DLG2: variants seen among roughly 807,000 people sequenced by gnomAD.
The protein encoded by DLG2 is discs large MAGUK scaffold protein 2, also known as disks large homolog 2.
DLG2 carries 45 observed loss-of-function variants against 132.5 expected under a neutral mutation model. The ratio of observed to expected loss-of-function variants is 0.34; its 90% confidence interval spans 0.27 to 0.44. The LOEUF (loss-of-function observed/expected upper bound fraction) is 0.44. DLG2 is among the 20% of genes least tolerant of loss of function. The pLI is 1.00. For missense variants in DLG2, 1,045 were observed against 1,196.9 expected, an observed-to-expected ratio of 0.87 and a Z score of 1.87; for synonymous variants, 424 against 419.6, an observed-to-expected ratio of 1.01 and a Z score of -0.13.
At chr11:84,607,021 GGATCCA>G in intron 6 of DLG2, among the ~76,000 whole-genome samples, 1 of 152,056 alleles carries the variant, frequency 6.6e-6, no homozygotes. Context: ...TCCATATCCA[GGATCCA>G]AGGTCATCAA....
intron 7 of DLG2, among the ~76,000 whole-genome samples, chr11:84,532,967 T>G (rs17807635): frequency 0.054 from 8,274 of 152,272 alleles, 275 homozygotes; most frequent in South Asian, 0.1. Context: ...ACTGTCTAAC[T>G]CTAGGAATCA....
chr11:84,378,920 T>G (rs933886123), intron 7 of DLG2, among the ~76,000 whole-genome samples: 13 of 151,568 alleles, frequency 8.6e-5, no homozygotes, highest in Non-Finnish European at 1.6e-4. Flanking sequence ...CACTCCAGCC[T>G]GGCAACAGAG....
chr11:83,712,482 T>C (rs891123002), intron 18 of DLG2, among the ~76,000 whole-genome samples: 3 of 151,904 alleles, frequency 2.0e-5, no homozygotes, highest in African/African-American at 7.3e-5. Flanking sequence ...TACAAAAAAT[T>C]AGCCCGGTGT....
At chr11:83,743,632 CTA>C (rs1442984939) in intron 18 of DLG2, among the ~76,000 whole-genome samples, 1 of 151,906 alleles carries the variant, frequency 6.6e-6, no homozygotes, top group Non-Finnish European at 1.5e-5. Flanking sequence ...TGGCATTTCA[CTA>C]TGTTGCCCAG....
chr11:85,509,514 A>G (rs750849709), intron 3 of DLG2, among the ~76,000 whole-genome samples: 1 of 152,066 alleles, frequency 6.6e-6, no homozygotes, highest in Non-Finnish European at 1.5e-5. Context: ...AGGAAAGACA[A>G]TCTAAGGACA....
intron 19 of DLG2, among the ~76,000 whole-genome samples, chr11:83,556,436 G>T (rs541360657): frequency 6.6e-6 from 1 of 151,172 alleles, no homozygotes; most frequent in Non-Finnish European, 1.5e-5. Context: ...GCAGTGGCGC[G>T]ATCGTGACTC....
intron 3 of DLG2, among the ~76,000 whole-genome samples, chr11:85,320,721 T>C (rs540788928): frequency 6.6e-6 from 1 of 151,936 alleles, no homozygotes; most frequent in South Asian, 2.1e-4. Context: ...CATGTAATTA[T>C]CTAGGGATAA....
rs1406821055 is a variant in DLG2, at chr11:84,186,298, A to G, written c.574-22787T>C. 2.0e-5 allele frequency among the ~76,000 whole-genome samples: 3 copies of G among 152,146 alleles called. No homozygotes were observed. The South Asian group carries it at 6.2e-4, about 32-fold the overall frequency. On this transcript the variant is annotated intron_variant, in intron 8 of 27. Coordinates refer to ENST00000376104, the MANE Select transcript of DLG2 (RefSeq NM_001142699.3). The stretch of plus-strand genomic sequence containing the variant: ...TTATTTCTCTGTACTTCCACTATAC[A>G]TATATTAGTATGCATAATGTTGTCC...
intron 4 of DLG2, among the ~76,000 whole-genome samples, chr11:85,175,040 A>C (rs1408079708): frequency 1.3e-5 from 2 of 152,190 alleles, no homozygotes; most frequent in African/African-American, 4.8e-5. Context: ...CCAGAGGTAC[A>C]AAGAAAATCT....
intron 14 of DLG2, among the ~76,000 whole-genome samples, chr11:83,955,578 T>C (rs531352077): frequency 2.0e-5 from 3 of 152,334 alleles, no homozygotes; most frequent in South Asian, 2.1e-4. Context: ...AATGCCTTTT[T>C]ACCAATCAAA....
At chr11:84,634,384 G>C (rs570300944) in intron 6 of DLG2, among the ~76,000 whole-genome samples, 1 of 152,302 alleles carries the variant, frequency 6.6e-6, no homozygotes, top group Non-Finnish European at 1.5e-5. Context: ...TCATGCTAAA[G>C]ATTTCTTCAT....
chr11:83,709,117 C>T (rs1364375611), intron 18 of DLG2, among the ~76,000 whole-genome samples: 2 of 151,690 alleles, frequency 1.3e-5, no homozygotes, highest in Admixed American at 6.6e-5. Flanking sequence ...GGGGTAGCTG[C>T]CAATAATATT....
At chr11:83,463,234 A>G (rs2090376226) in intron 26 of DLG2, among the ~76,000 whole-genome samples, 1 of 150,336 alleles carries the variant, frequency 6.7e-6, no homozygotes, top group Admixed American at 6.6e-5. Context: ...AAGACTTGAT[A>G]TCTTTCAAAA....
At chr11:85,075,098 A>G (rs183559643) in intron 6 of DLG2, among the ~76,000 whole-genome samples, 19 of 152,082 alleles carry the variant, frequency 1.2e-4, no homozygotes, top group Non-Finnish European at 2.7e-4. Flanking sequence ...CATTCAAAAT[A>G]AAACTAAAAT....
chr11:85,087,158 C>A (rs1279348494), intron 6 of DLG2, among the ~76,000 whole-genome samples: 3 of 152,062 alleles, frequency 2.0e-5, no homozygotes. Context: ...ACAGAATAGA[C>A]AAATTCCTGG....
intron 3 of DLG2, among the ~76,000 whole-genome samples, chr11:85,494,572 A>C (rs2093630494): frequency 6.6e-6 from 1 of 151,886 alleles, no homozygotes; most frequent in South Asian, 2.1e-4. Context: ...AGTCTCCTGG[A>C]TTATGCTGCT....
chr11:84,160,618 T>C (rs942736157), intron 9 of DLG2, among the ~76,000 whole-genome samples: 2 of 152,118 alleles, frequency 1.3e-5, no homozygotes, highest in Non-Finnish European at 2.9e-5. Flanking sequence ...GGACGGTTAC[T>C]TATTTTTTCT....
At chr11:84,351,042 C>A (rs1386632377) in intron 7 of DLG2, among the ~76,000 whole-genome samples, 2 of 151,902 alleles carry the variant, frequency 1.3e-5, no homozygotes, top group Non-Finnish European at 2.9e-5. Context: ...ACTGTACAGT[C>A]TATTATACAG....
chr11:83,513,669 A>G (rs1223397207), intron 21 of DLG2, among the ~76,000 whole-genome samples: 1 of 152,294 alleles, frequency 6.6e-6, no homozygotes, highest in East Asian at 1.9e-4. Flanking sequence ...TAGATCTAAC[A>G]TTTAAGTCTT....
Sources: allele counts gnomAD v4.1 joint callset (sites outside exome capture counted in the v4.1 genomes callset), GRCh38; gene constraint gnomAD v4.1.1; transcripts MANE v1.5; gene names NCBI Gene and HGNC (gene_info 2026-07-23, HGNC 2026-07-21).